PLEKHA7: variants seen among roughly 807,000 people sequenced by gnomAD.
PLEKHA7 encodes pleckstrin homology domain containing A7.
A neutral mutation model predicts 170.0 loss-of-function variants in PLEKHA7; 104 were observed. The ratio of observed to expected loss-of-function variants is 0.61; its 90% confidence interval spans 0.52 to 0.72. The LOEUF is 0.72. PLEKHA7 is among the 30% of genes least tolerant of loss of function. The probability of loss-of-function intolerance (pLI) is 0.00; values close to 1 mark genes in which losing one functional copy is unlikely to be tolerated. For synonymous variants in PLEKHA7, 648 were observed against 660.8 expected, an observed-to-expected ratio of 0.98 and a Z score of 0.30; for missense variants, 1,615 against 1,671.7, an observed-to-expected ratio of 0.97 and a Z score of 0.59.
intron 3 of PLEKHA7, among the ~76,000 whole-genome samples, chr11:16,887,256 G>A (rs1856183940): frequency 6.6e-6 from 1 of 151,872 alleles, no homozygotes; most frequent in Non-Finnish European, 1.5e-5. Flanking sequence ...AGACCAGCAT[G>A]GGCAATATGG....
intron 3 of PLEKHA7, among the ~76,000 whole-genome samples, chr11:16,917,177 C>T (rs1021919262): frequency 5.9e-5 from 9 of 152,078 alleles, no homozygotes; most frequent in African/African-American, 2.2e-4. Flanking sequence ...CAAATTCACG[C>T]CACTGCCCTC....
intron 15 of PLEKHA7, 29 bp from the exon 16 acceptor site, chr11:16,801,846 G>A: frequency 6.2e-7 from 1 of 1,613,210 alleles, no homozygotes; most frequent in Non-Finnish European, 8.5e-7. Context: ...AAAAACAGCA[G>A]GATAGGAGGA....
intron 4 of PLEKHA7, among the ~76,000 whole-genome samples, chr11:16,863,516 GCA>G (rs1854143397): frequency 6.6e-6 from 1 of 152,122 alleles, no homozygotes; most frequent in Non-Finnish European, 1.5e-5. Context: ...CTTCCTAAGC[GCA>G]TACTGTCTTC....
intron 3 of PLEKHA7, among the ~76,000 whole-genome samples, chr11:16,921,228 G>GA (rs1338821439): frequency 6.8e-6 from 1 of 147,028 alleles, no homozygotes; most frequent in African/African-American, 2.5e-5. Flanking sequence ...ATGGGACCTT[G>GA]AAAACTCTGA....
At chr11:16,952,126 T>C (rs1016143693) in intron 3 of PLEKHA7, among the ~76,000 whole-genome samples, 1 of 152,208 alleles carries the variant, frequency 6.6e-6, no homozygotes, top group African/African-American at 2.4e-5. Context: ...CAAGGATTTT[T>C]AGTGAATTTT....
chr11:16,958,613 T>A (rs1024783119), intron 3 of PLEKHA7, among the ~76,000 whole-genome samples: 1 of 152,226 alleles, frequency 6.6e-6, no homozygotes, highest in African/African-American at 2.4e-5. Context: ...TACGGTCTAA[T>A]ATGCATTATT....
At chr11:16,924,600 C>A (rs2136273575) in intron 3 of PLEKHA7, among the ~76,000 whole-genome samples, 1 of 152,212 alleles carries the variant, frequency 6.6e-6, no homozygotes, top group Middle Eastern at 3.4e-3. Context: ...ACCCTTTCTG[C>A]CCTCTGGGAG....
At chr11:16,803,939 A>G (rs1848773642) in intron 13 of PLEKHA7, among the ~76,000 whole-genome samples, 1 of 152,252 alleles carries the variant, frequency 6.6e-6, no homozygotes, top group African/African-American at 2.4e-5. Context: ...TGTAAGTTAC[A>G]AGAAAGGAAA....
At chr11:16,805,631 A>C (rs1293401170) in intron 13 of PLEKHA7, among the ~76,000 whole-genome samples, 2 of 151,812 alleles carry the variant, frequency 1.3e-5, no homozygotes, top group Non-Finnish European at 2.9e-5. Flanking sequence ...CTCTACTAAA[A>C]ATACAAAAAT....
intron 25 of PLEKHA7, 76 bp from the exon 26 acceptor site, chr11:16,782,972 C>A: frequency 6.9e-7 from 1 of 1,446,260 alleles, no homozygotes; most frequent in Non-Finnish European, 9.2e-7. Context: ...GTCTCCCTGG[C>A]CTAGAGGTTC....
chr11:16,863,364 G>C (rs1854126475), intron 4 of PLEKHA7, among the ~76,000 whole-genome samples: 1 of 152,224 alleles, frequency 6.6e-6, no homozygotes, highest in South Asian at 2.1e-4. Flanking sequence ...AGGCTGCTCA[G>C]ACCCCAATGG....
rs562694194 is a variant in PLEKHA7, at chr11:16,961,363, A to C, written c.221+52626T>G. On this transcript the variant is annotated intron_variant, in intron 3 of 26. Coordinates refer to ENST00000531066, the MANE Select transcript of PLEKHA7 (RefSeq NM_001329630.2). Reference sequence around the variant, plus strand: ...CGCCAGGCTATGCTCAGCTCATCGGAGAGTAAGACTCAAAGATGGGAAAAG... The same window carrying C: ...CGCCAGGCTATGCTCAGCTCATCGGCGAGTAAGACTCAAAGATGGGAAAAG... Among the ~76,000 whole-genome samples, 14 of 152,356 alleles carry C rather than the reference A, an allele frequency of 9.2e-5. 1 individual carries two copies. The South Asian group carries it at 2.9e-3, about 32-fold the overall frequency.
chr11:16,786,124 G>A, intron 24 of PLEKHA7, 105 bp downstream of exon 24: 1 of 1,343,168 alleles, frequency 7.4e-7, no homozygotes, highest in Non-Finnish European at 1.0e-6. Flanking sequence ...CTGAAGCTGA[G>A]CCATGTCCCT....
At chr11:16,882,955 G>A (rs1006390794) in intron 3 of PLEKHA7, among the ~76,000 whole-genome samples, 1 of 151,934 alleles carries the variant, frequency 6.6e-6, no homozygotes, top group Admixed American at 6.6e-5. Context: ...AACCTAAAAG[G>A]CATAACACCC....
chr11:16,950,511 T>C (rs914592792), intron 3 of PLEKHA7, among the ~76,000 whole-genome samples: 3 of 151,800 alleles, frequency 2.0e-5, no homozygotes, highest in African/African-American at 4.8e-5. Flanking sequence ...TTTTTTTTTT[T>C]TTTTCATAAA....
intron 3 of PLEKHA7, 124 bp from the exon 4 acceptor site, chr11:16,871,306 G>A (rs1034431258): frequency 2.9e-6 from 2 of 700,762 alleles, no homozygotes; most frequent in African/African-American, 1.8e-5. Context: ...AGAAATGTGG[G>A]CCTTTCCTCT....
intron 3 of PLEKHA7, among the ~76,000 whole-genome samples, chr11:16,980,164 A>G (rs1863337535): frequency 6.6e-6 from 1 of 152,236 alleles, no homozygotes; most frequent in Non-Finnish European, 1.5e-5. Flanking sequence ...GAGCCTAGAA[A>G]GACAGACATT....
At chr11:16,967,221 G>A (rs1175088770) in intron 3 of PLEKHA7, among the ~76,000 whole-genome samples, 1 of 152,102 alleles carries the variant, frequency 6.6e-6, no homozygotes, top group Non-Finnish European at 1.5e-5. Flanking sequence ...ACTGGCAAAC[G>A]CTTCTGTGGC....
chr11:16,895,669 C>T (rs191985640), intron 3 of PLEKHA7, among the ~76,000 whole-genome samples: 3 of 152,304 alleles, frequency 2.0e-5, no homozygotes, highest in East Asian at 1.9e-4. Context: ...GAACAATCTG[C>T]CATTGCAGGG....
Sources: allele counts gnomAD v4.1 joint callset (sites outside exome capture counted in the v4.1 genomes callset), GRCh38; gene constraint gnomAD v4.1.1; transcripts MANE v1.5; gene names NCBI Gene and HGNC (gene_info 2026-07-23, HGNC 2026-07-21).